RGMA: variants seen among roughly 807,000 people sequenced by gnomAD.
The protein encoded by RGMA is repulsive guidance molecule BMP co-receptor a.
A neutral mutation model predicts 23.2 loss-of-function variants in RGMA; 10 were observed. The observed-to-expected ratio is 0.43, with a 90% CI of 0.27 to 0.73. The LOEUF is 0.73. RGMA is among the 30% of genes least tolerant of loss of function. The pLI, the probability that RGMA is intolerant of heterozygous loss-of-function variation, is 0.20. For synonymous variants in RGMA, 308 were observed against 279.3 expected (o/e 1.10, Z -1.03); for missense variants, 547 against 630.5 (o/e 0.87, Z 1.42).
At position 93,044,124 on chromosome 15, in the gene RGMA, G is replaced by C. The variant is rs2054771891; in HGVS notation, c.*874C>G. 1 of 152,346 alleles carries C rather than the reference G, an allele frequency of 6.6e-6. No homozygotes were observed. Among genetic ancestry groups the C allele is most frequent in the South Asian group, 2.1e-4 (1 of 4,840 alleles). The allele number at this position is 152,346 out of a possible 1,614,324, so 9.4% of individuals were successfully genotyped here. On this transcript the variant is annotated 3_prime_UTR_variant, in exon 4 of 4. Transcript: ENST00000329082. ...GAGGAGGAAGCAGAGGATCAGGGCA[G>C]GCCAGCTGGCCCCATCCACTGGGTC...
intron 3 of RGMA, among the ~76,000 whole-genome samples, chr15:93,047,860 A>G (rs535464693): frequency 5.9e-5 from 9 of 152,352 alleles, no homozygotes; most frequent in Middle Eastern, 6.8e-3. Context: ...CTAGAAAGCA[A>G]CAGGAAATAA....
At chr15:93,087,661 G>C (rs1895660803) in intron 1 of RGMA, among the ~76,000 whole-genome samples, 1 of 152,166 alleles carries the variant, frequency 6.6e-6, no homozygotes, top group Admixed American at 6.5e-5. Context: ...ACAGAGGTTT[G>C]TGCATTGGTT....
intron 1 of RGMA, among the ~76,000 whole-genome samples, chr15:93,076,937 G>T (rs1895482015): frequency 6.6e-6 from 1 of 152,220 alleles, no homozygotes; most frequent in Non-Finnish European, 1.5e-5. Flanking sequence ...TCTGACAGGG[G>T]AGACACAGAA....
intron 2 of RGMA, among the ~76,000 whole-genome samples, chr15:93,070,261 A>G (rs1596101311): frequency 6.6e-6 from 1 of 152,360 alleles, no homozygotes; most frequent in Middle Eastern, 3.4e-3. Flanking sequence ...ATCTTTCTCC[A>G]CATAACTATG....
Position 93,052,519 on chromosome 15 carries a change from G to T in RGMA, c.131-12C>A. On this transcript the variant is annotated splice_polypyrimidine_tract_variant and intron_variant, in intron 2 of 3. Coordinates refer to ENST00000329082, the MANE Select transcript of RGMA (RefSeq NM_020211.3). ...GCACGGGGAGGTGGCTGAGGAGAAA[G>T]GAACGAACACACCGTCGGGGTGCAG... The T allele has an allele frequency of 6.4e-7, 1 of 1,557,794 alleles. No homozygotes were observed.
intron 2 of RGMA, among the ~76,000 whole-genome samples, chr15:93,065,154 A>G (rs1895100944): frequency 6.6e-6 from 1 of 151,288 alleles, no homozygotes; most frequent in Admixed American, 6.6e-5. Context: ...ATTTTTTTGT[A>G]TTTTTTTTCC....
chr15:93,066,941 C>T (rs1895176106), intron 2 of RGMA, among the ~76,000 whole-genome samples: 1 of 152,236 alleles, frequency 6.6e-6, no homozygotes. Flanking sequence ...CCTCTCTGAC[C>T]CTGTGTTTCC....
At chr15:93,063,896 G>A (rs754526604) in intron 2 of RGMA, among the ~76,000 whole-genome samples, 1 of 152,200 alleles carries the variant, frequency 6.6e-6, no homozygotes, top group African/African-American at 2.4e-5. Flanking sequence ...ACGTGAGCAT[G>A]GGCAAAAGTG....
intron 1 of RGMA, chr15:93,088,352 G>A (rs1895675626): frequency 7.1e-6 from 7 of 985,494 alleles, no homozygotes; most frequent in Non-Finnish European, 8.4e-6. Context: ...GGAAAGCCGG[G>A]GCGGCTTGGC....
At chr15:93,071,560 AGCC>A (rs1895322330) in intron 2 of RGMA, among the ~76,000 whole-genome samples, 2 of 152,156 alleles carry the variant, frequency 1.3e-5, no homozygotes, top group African/African-American at 4.8e-5. Flanking sequence ...TGGTTGAGTA[AGCC>A]GGACGCACAA....
chr15:93,061,196 C>A (rs1172563894), intron 2 of RGMA, among the ~76,000 whole-genome samples: 1 of 152,230 alleles, frequency 6.6e-6, no homozygotes, highest in African/African-American at 2.4e-5. Context: ...ACTCTGTCGC[C>A]CAGGCTGGTA....
chr15:93,052,835 C>T (rs2054950366), intron 2 of RGMA, among the ~76,000 whole-genome samples: 2 of 152,200 alleles, frequency 1.3e-5, no homozygotes, highest in Admixed American at 1.3e-4. Flanking sequence ...GGGCCGCTGA[C>T]ATCTATATAC....
chr15:93,068,100 T>C (rs998385569), intron 2 of RGMA, among the ~76,000 whole-genome samples: 9 of 152,332 alleles, frequency 5.9e-5, no homozygotes, highest in Middle Eastern at 3.4e-3. Flanking sequence ...TTAATCTAAC[T>C]GTCCTGGTGT....
At chr15:93,073,159 T>A (rs1343812148) in intron 1 of RGMA, 128 bp from the exon 2 acceptor site, 1 of 1,198,050 alleles carries the variant, frequency 8.3e-7, no homozygotes, top group Non-Finnish European at 1.0e-6. Context: ...CCCGGCGCGC[T>A]CCCCTTCCCG....
At position 93,044,994 on chromosome 15, in the gene RGMA, G is replaced by C. The variant is rs141995512; in HGVS notation, c.*4C>G. On this transcript the variant is annotated 3_prime_UTR_variant, in exon 4 of 4. Coordinates refer to ENST00000329082, the MANE Select transcript of RGMA (RefSeq NM_020211.3). ...AGCCCGCGCCTCCCTCCACATCTAC[G>C]CGTCTAGCAGAACACAGGGAGCAGG... The C allele has an allele frequency of 5.8e-4, 930 of 1,594,026 alleles. 7 individuals are homozygous for C. In the South Asian group the frequency reaches 6.7e-3, roughly 11 times the overall value.
In RGMA at chr15:93,044,956, G is replaced by A. The variant is rs1398479388; in HGVS notation, c.*42C>T. ...GCGGTCCCAGCCCACACATGGGGAA[G>A]CCGAGAGGACGGAGCCCGCGCCTCC... On this transcript the variant is annotated 3_prime_UTR_variant, in exon 4 of 4. Coordinates refer to ENST00000329082, the MANE Select transcript of RGMA (RefSeq NM_020211.3). 1.3e-6 allele frequency: 2 copies of A among 1,493,042 alleles called. No homozygotes were observed. The highest frequency in any genetic ancestry group is 1.8e-6 in the Non-Finnish European group (2 of 1,105,190). 92.5% of individuals were successfully genotyped at this position (1,493,042 alleles called of 1,614,324 possible).
In RGMA at chr15:93,036,302, T is replaced by C. The variant is rs2141773000; in HGVS notation, c.*8696A>G. 6.6e-6 allele frequency: 1 copy of C among 152,400 alleles called. No individual in the cohort carries two copies. The highest frequency in any genetic ancestry group is 2.4e-5 in the African/African-American group (1 of 41,576). The allele number at this position is 152,400 out of a possible 1,614,324, so 9.4% of individuals were successfully genotyped here. The stretch of plus-strand genomic sequence containing the variant: ...ACATCGGGGGTGGCCTACAAATGTT[T>C]GTGCCAGGAAGGAAGGGAAGAAGGA... On this transcript the variant is annotated 3_prime_UTR_variant, in exon 4 of 4. Transcript: ENST00000329082.
intron 2 of RGMA, among the ~76,000 whole-genome samples, chr15:93,055,001 A>G (rs988254499): frequency 6.6e-6 from 1 of 152,144 alleles, no homozygotes; most frequent in East Asian, 1.9e-4. Flanking sequence ...TGCTACGCAG[A>G]ACAAGCGTTT....
intron 2 of RGMA, 150 bp downstream of exon 2, chr15:93,072,766 G>T: frequency 1.1e-6 from 1 of 893,404 alleles, no homozygotes; most frequent in Non-Finnish European, 1.7e-6. Flanking sequence ...ACGACGGGGT[G>T]CGGGAGAAAC....
Sources: gnomAD v4.1 joint callset for allele counts (sites outside exome capture counted in the v4.1 genomes callset) on GRCh38, gnomAD v4.1.1 for gene constraint, MANE v1.5 for transcripts, NCBI Gene and HGNC (gene_info 2026-07-23, HGNC 2026-07-21) for gene names.